The following HECW2 variants were observed in gnomAD, a reference collection of about 807,000 sequenced individuals.
HECW2 encodes HECT, C2 and WW domain containing E3 ubiquitin protein ligase 2, also known as E3 ubiquitin-protein ligase HECW2.
HECW2 carries 61 observed loss-of-function variants against 175.2 expected under a neutral mutation model. The ratio of observed to expected loss-of-function variants is 0.35; its 90% CI spans 0.28 to 0.43. The LOEUF is 0.43. HECW2 is among the 20% of genes least tolerant of loss of function. The pLI, the probability that HECW2 is intolerant of heterozygous loss-of-function variation, is 1.00. For synonymous variants in HECW2, 671 were observed against 731.0 expected, an observed-to-expected ratio of 0.92 and a Z score of 1.32; for missense variants, 1,524 against 2,000.5, an observed-to-expected ratio of 0.76 and a Z score of 4.54.
intron 6 of HECW2, among the ~76,000 whole-genome samples, chr2:196,322,823 G>T (rs1691998132): frequency 6.6e-6 from 1 of 152,160 alleles, no homozygotes; most frequent in Admixed American, 6.5e-5. Context: ...AGCAGTCAAG[G>T]ATCTGTATGA....
At chr2:196,492,931 T>A (rs1369013298) in intron 1 of HECW2, among the ~76,000 whole-genome samples, 1 of 152,238 alleles carries the variant, frequency 6.6e-6, no homozygotes, top group African/African-American at 2.4e-5. Flanking sequence ...AGATGTTAAC[T>A]TTAATAAACG....
chr2:196,486,326 G>A (rs1357612448), intron 1 of HECW2, among the ~76,000 whole-genome samples: 1 of 152,212 alleles, frequency 6.6e-6, no homozygotes, highest in Non-Finnish European at 1.5e-5. Context: ...TGAGCTGCTT[G>A]CATGTTTCCT....
At chr2:196,333,492 A>G (rs181723541) in intron 4 of HECW2, among the ~76,000 whole-genome samples, 1 of 152,320 alleles carries the variant, frequency 6.6e-6, no homozygotes, top group East Asian at 1.9e-4. Context: ...CAAAAATGCA[A>G]GCATCTATAA....
intron 2 of HECW2, among the ~76,000 whole-genome samples, chr2:196,406,832 T>C (rs1036695664): frequency 1.1e-4 from 16 of 152,222 alleles, no homozygotes; most frequent in Non-Finnish European, 1.5e-5. Flanking sequence ...AGCCTAAACA[T>C]CACCTTGCAG....
At chr2:196,333,713 G>A (rs889468298) in intron 4 of HECW2, among the ~76,000 whole-genome samples, 2 of 152,174 alleles carry the variant, frequency 1.3e-5, no homozygotes, top group Non-Finnish European at 2.9e-5. Context: ...GAGACTGTTA[G>A]ATTCTAAAAT....
At chr2:196,496,945 G>A (rs773497392) in intron 1 of HECW2, among the ~76,000 whole-genome samples, 1 of 152,016 alleles carries the variant, frequency 6.6e-6, no homozygotes, top group Admixed American at 6.6e-5. Flanking sequence ...AAAAACTAGG[G>A]GGAAAAATGA....
chr2:196,321,615 G>T (rs974464586), intron 7 of HECW2, among the ~76,000 whole-genome samples: 1 of 152,040 alleles, frequency 6.6e-6, no homozygotes, highest in Non-Finnish European at 1.5e-5. Flanking sequence ...GGCCAGGCTG[G>T]TCTCGAACTC....
chr2:196,565,409 T>C (rs1323554969), intron 1 of HECW2, among the ~76,000 whole-genome samples: 1 of 152,228 alleles, frequency 6.6e-6, no homozygotes, highest in African/African-American at 2.4e-5. Flanking sequence ...TTAGAGATGC[T>C]AAGTTTAAAA....
chr2:196,263,100 A>T (rs1456973733), intron 17 of HECW2: 2 of 152,184 alleles, frequency 1.3e-5, no homozygotes, highest in Non-Finnish European at 2.9e-5. Flanking sequence ...TTACTAAAAC[A>T]GAATCCACTG....
intron 19 of HECW2, among the ~76,000 whole-genome samples, chr2:196,245,362 T>G (rs1688608582): frequency 6.6e-6 from 1 of 152,204 alleles, no homozygotes; most frequent in African/African-American, 2.4e-5. Context: ...CAAGTCATAT[T>G]CCAGTGACAG....
intron 2 of HECW2, among the ~76,000 whole-genome samples, chr2:196,412,077 T>A (rs1695127632): frequency 1.3e-5 from 2 of 152,120 alleles, no homozygotes; most frequent in Non-Finnish European, 2.9e-5. Flanking sequence ...CAGTTTAAGG[T>A]TCATTATTTA....
intron 17 of HECW2, among the ~76,000 whole-genome samples, chr2:196,258,920 T>A (rs939290225): frequency 3.9e-5 from 6 of 152,206 alleles, no homozygotes; most frequent in Non-Finnish European, 5.9e-5. Context: ...ATTTAGTTCT[T>A]ATCTACAAGC....
intron 2 of HECW2, among the ~76,000 whole-genome samples, chr2:196,414,840 C>T (rs1695211008): frequency 6.6e-6 from 1 of 152,216 alleles, no homozygotes; most frequent in African/African-American, 2.4e-5. Flanking sequence ...CACAGCCCCT[C>T]TCACTCTGAG....
chr2:196,287,180 T>C (rs2106013773), intron 14 of HECW2, among the ~76,000 whole-genome samples: 1 of 152,286 alleles, frequency 6.6e-6, no homozygotes. Context: ...ATTCTGATAC[T>C]TAAACTCCCA....
intron 1 of HECW2, among the ~76,000 whole-genome samples, chr2:196,464,339 C>A (rs928635331): frequency 6.6e-6 from 1 of 152,106 alleles, no homozygotes; most frequent in African/African-American, 2.4e-5. Flanking sequence ...TCAATAGTAA[C>A]GCTGGGAGTT....
chr2:196,302,924 G>A (rs1209169107), intron 13 of HECW2, among the ~76,000 whole-genome samples: 3 of 152,098 alleles, frequency 2.0e-5, no homozygotes, highest in African/African-American at 7.2e-5. Context: ...TTGACTGATT[G>A]CCCTGGCCAG....
At chr2:196,490,495 A>T (rs748212891) in intron 1 of HECW2, among the ~76,000 whole-genome samples, 29 of 152,202 alleles carry the variant, frequency 1.9e-4, no homozygotes, top group Non-Finnish European at 3.7e-4. Flanking sequence ...TACTGGTGAA[A>T]ATGGTGGTGG....
At chr2:196,263,466 C>A (rs930904964) in intron 17 of HECW2, 3 of 152,260 alleles carry the variant, frequency 2.0e-5, no homozygotes, top group Non-Finnish European at 4.4e-5. Flanking sequence ...CGACTCTGCA[C>A]ATCCTGGTTC....
chr2:196,222,077 G>A, intron 24 of HECW2, 134 bp downstream of exon 24: 1 of 677,504 alleles, frequency 1.5e-6, no homozygotes, highest in South Asian at 2.5e-5. Context: ...TTATAACTGT[G>A]TGTGATCCTG....
Sources: gnomAD v4.1 joint callset for allele counts (sites outside exome capture counted in the v4.1 genomes callset) on GRCh38, gnomAD v4.1.1 for gene constraint, MANE v1.5 for transcripts, NCBI Gene and HGNC (gene_info 2026-07-23, HGNC 2026-07-21) for gene names.